Variants in MCM5 observed in about 807,000 individuals in gnomAD.
The protein encoded by MCM5 is minichromosome maintenance complex component 5, also known as DNA replication licensing factor MCM5.
MCM5 carries 46 observed loss-of-function variants against 79.9 expected under a neutral mutation model. The ratio of observed to expected loss-of-function variants is 0.58; its 90% CI spans 0.45 to 0.74. The LOEUF is 0.74. Ranked by LOEUF, MCM5 falls within the 30% of genes least tolerant of loss-of-function variation. The pLI is 0.00. For missense variants in MCM5, 883 were observed against 1,017.0 expected (o/e 0.87, Z 1.79); for synonymous variants, 404 against 390.5 (o/e 1.03, Z -0.41).
At chr22:35,402,431 A>AT (rs1234524202) in intron 2 of MCM5, among the ~76,000 whole-genome samples, 1 of 149,688 alleles carries the variant, frequency 6.7e-6, no homozygotes, top group Non-Finnish European at 1.5e-5. Context: ...GGTTCAAGTG[A>AT]TTCTCCTGCC....
chr22:35,421,539 C>G (rs753406047), intron 15 of MCM5, 79 bp downstream of exon 15: 2 of 1,587,764 alleles, frequency 1.3e-6, no homozygotes, highest in Non-Finnish European at 1.7e-6. Flanking sequence ...CTCTGGCCTG[C>G]TGGGGGCCTG....
chr22:35,439,075 C>A, the MCM5 span, among the ~76,000 whole-genome samples: 2 of 150,982 alleles, frequency 1.3e-5, no homozygotes, highest in African/African-American at 4.9e-5. Flanking sequence ...ATCCATCCAT[C>A]CATCCATCCA....
At chr22:35,446,481 G>C in the MCM5 span, among the ~76,000 whole-genome samples, 2,995 of 152,130 alleles carry the variant, frequency 0.02, 99 homozygotes, top group Admixed American at 0.083. Flanking sequence ...CCAGCACACA[G>C]AGCTGCTGCG....
chr22:35,401,175 A>C (rs1432429085), intron 2 of MCM5, among the ~76,000 whole-genome samples: 1 of 152,154 alleles, frequency 6.6e-6, no homozygotes, highest in Non-Finnish European at 1.5e-5. Context: ...TCACCTGTTG[A>C]GTGGGCCACC....
chr22:35,434,316 C>G, the MCM5 span, among the ~76,000 whole-genome samples: 14 of 151,958 alleles, frequency 9.2e-5, no homozygotes, highest in African/African-American at 3.1e-4. Context: ...TTGTCTGTCA[C>G]TGAACCCTGA....
the MCM5 span, among the ~76,000 whole-genome samples, chr22:35,453,760 GA>G: frequency 2.1e-5 from 3 of 144,394 alleles, no homozygotes; most frequent in Non-Finnish European, 4.4e-5. Context: ...CAGACAGACA[GA>G]GAGGGACAAA....
Position 35,417,754 on chromosome 22 carries a change from A to G in MCM5, c.1601A>G (p.Lys534Arg). 1 of 1,613,592 alleles carries G rather than the reference A, an allele frequency of 6.2e-7. No homozygotes were observed. Among genetic ancestry groups the G allele is most frequent in the Non-Finnish European group, 8.5e-7 (1 of 1,179,498 alleles). The change falls in exon 13 of 17, where the codon AAG becomes AGG. Residue 534 changes from lysine to arginine, a missense_variant. Lys to Arg is a conservative substitution (Grantham distance 26). Around this residue, in one of 3 missense-constraint regions of MCM5, gnomAD observed 426 missense variants for 482.3 expected, o/e 0.88. Transcript: ENST00000216122. Reference protein sequence around the residue: ...HNEERDVMLAKHVITLHVSAL... With the variant: ...HNEERDVMLARHVITLHVSAL... ...CCCTCTGCTCTCCAGATGCTGGCCA[A>G]GCATGTCATCACTCTGCACGTGAGC...
the MCM5 span, among the ~76,000 whole-genome samples, chr22:35,439,416 TATTC>T: frequency 5.5e-5 from 2 of 36,166 alleles, no homozygotes; most frequent in Non-Finnish European, 9.6e-5. Flanking sequence ...CCCACCCACA[TATTC>T]ATTCATCCAT....
At chr22:35,405,993 A>G (rs1932199384) in intron 4 of MCM5, among the ~76,000 whole-genome samples, 1 of 151,762 alleles carries the variant, frequency 6.6e-6, no homozygotes, top group East Asian at 1.9e-4. Flanking sequence ...CCTTGGCGAC[A>G]CAGCAAGACT....
the MCM5 span, among the ~76,000 whole-genome samples, chr22:35,450,768 G>A: frequency 1.3e-5 from 2 of 152,086 alleles, no homozygotes; most frequent in Non-Finnish European, 2.9e-5. Context: ...CTACTTTTAT[G>A]CCCCATTTGT....
chr22:35,402,886 A>G (rs1450645891), intron 2 of MCM5, among the ~76,000 whole-genome samples: 1 of 152,182 alleles, frequency 6.6e-6, no homozygotes, highest in East Asian at 1.9e-4. Context: ...AAGAGAAGTT[A>G]AAGGCTCTGC....
the MCM5 span, among the ~76,000 whole-genome samples, chr22:35,443,272 C>T: frequency 2.0e-5 from 3 of 152,128 alleles, no homozygotes; most frequent in Non-Finnish European, 2.9e-5. Flanking sequence ...CTGCAACTTC[C>T]GCCTCCCAGG....
the MCM5 span, among the ~76,000 whole-genome samples, chr22:35,431,304 A>C: frequency 6.6e-6 from 1 of 152,330 alleles, no homozygotes; most frequent in East Asian, 1.9e-4. Flanking sequence ...AAACTGAGGC[A>C]CAGAAATGCA....
chr22:35,425,381 C>CT lies in MCM5; in HGVS notation c.*1128dup, dbSNP rs1761895037. 1 of 152,146 alleles carries CT rather than the reference C, an allele frequency of 6.6e-6. No homozygotes were observed. The highest frequency in any genetic ancestry group is 2.1e-4 in the South Asian group (1 of 4,826). The allele number at this position is 152,146 out of a possible 1,614,324, so 9.4% of individuals were successfully genotyped here. A position where few individuals can be genotyped will look rare whatever the true frequency, so the allele number is the denominator to read the frequency against. On this transcript the variant is annotated 3_prime_UTR_variant, in exon 17 of 17. Coordinates refer to ENST00000216122, the MANE Select transcript of MCM5 (RefSeq NM_006739.4). ...AATTGCCATGTAAAAATGACACGAACTTGAAGTAAGATTATTTGATTTTTC... is the reference window on the plus strand; with the variant it reads ...AATTGCCATGTAAAAATGACACGAACTTTGAAGTAAGATTATTTGATTTTTC...
chr22:35,435,438 T>A, the MCM5 span, among the ~76,000 whole-genome samples: 1 of 152,200 alleles, frequency 6.6e-6, no homozygotes, highest in Non-Finnish European at 1.5e-5. Context: ...CTGGTGGGAC[T>A]TGATTCCTCA....
chr22:35,435,938 G>A, the MCM5 span, among the ~76,000 whole-genome samples: 1 of 152,066 alleles, frequency 6.6e-6, no homozygotes, highest in Non-Finnish European at 1.5e-5. Context: ...AGGCCGAGGC[G>A]GGCGGATCAC....
the MCM5 span, among the ~76,000 whole-genome samples, chr22:35,431,781 T>G: frequency 1.3e-5 from 2 of 152,036 alleles, 1 homozygote; most frequent in South Asian, 4.1e-4. Flanking sequence ...TCCTTTAGAG[T>G]TGAAGGGGCT....
chr22:35,442,810 C>G, the MCM5 span, among the ~76,000 whole-genome samples: 112 of 152,340 alleles, frequency 7.4e-4, no homozygotes, highest in Non-Finnish European at 1.2e-3. Context: ...AGGGATTTGT[C>G]CATGAACATC....
chr22:35,453,048 G>GC, the MCM5 span, among the ~76,000 whole-genome samples: 1 of 152,178 alleles, frequency 6.6e-6, no homozygotes, highest in African/African-American at 2.4e-5. Flanking sequence ...CAGCTCAGGG[G>GC]CAGGGGGAGG....
Sources: gnomAD v4.1 joint callset for allele counts (sites outside exome capture counted in the v4.1 genomes callset) on GRCh38, gnomAD v4.1.1 for gene constraint, gnomAD v4.1.1 regional missense constraint, MANE v1.5 for transcripts, NCBI Gene and HGNC (gene_info 2026-07-23, HGNC 2026-07-21) for gene names.